The following TTN variants were observed in gnomAD, a reference collection of about 807,000 sequenced individuals.
The protein encoded by TTN is titin.
In TTN, 1,525 loss-of-function variants were observed where a neutral mutation model predicts 3,223.0. That is an observed-to-expected ratio of 0.47 (90% confidence interval 0.45 to 0.49). The LOEUF is 0.49. Ranked by LOEUF, TTN falls within the 20% of genes least tolerant of loss-of-function variation. The pLI is 0.00. For missense variants in TTN, 40,786 were observed against 43,424.0 expected (o/e 0.94, Z 5.40); for synonymous variants, 14,094 against 15,161.0 (o/e 0.93, Z 5.17).
At position 178,727,666 on chromosome 2, in the gene TTN, C is replaced by T. The variant is rs878890344; in HGVS notation, c.19912G>A (p.Ala6638Thr). 3.7e-6 allele frequency: 6 copies of T among 1,612,902 alleles called. No individual in the cohort carries two copies. Among genetic ancestry groups the T allele is most frequent in the Non-Finnish European group, 5.1e-6 (6 of 1,179,284 alleles). ...CAAGTATACTGTCCAGTCTTAGAAGCATCCACTGAGTAGAGATTTAAGAAG... is the reference window on the plus strand; with the variant it reads ...CAAGTATACTGTCCAGTCTTAGAAGTATCCACTGAGTAGAGATTTAAGAAG... ...TSFLNLYSVD[A>T]SKTGQYTCHV... The change falls in exon 68 of 363, where the codon GCT becomes ACT. Residue 6638 changes from alanine (A) to threonine (T), a missense_variant. Coordinates refer to ENST00000589042, the MANE Select transcript of TTN (RefSeq NM_001267550.2).
At position 178,720,428 on chromosome 2, in the gene TTN, A is replaced by G. The variant is rs2078170178; in HGVS notation, c.23334T>C (p.Asn7778=). The G allele has an allele frequency of 6.2e-7, 1 of 1,613,662 alleles. No homozygotes were observed. Among genetic ancestry groups the G allele is most frequent in the Non-Finnish European group, 8.5e-7 (1 of 1,179,652 alleles). The part of the protein sequence containing the change: ...DVGEYHCKAT[N]EVGSDTCSCS... ...AAGAACACGTGTCACTTCCCACCTC[A>G]TTAGTAGCTTTGCAGTGATATTCCC... The change falls in exon 80 of 363, where the codon AAT becomes AAC. Residue 7778 remains asparagine (N), a synonymous_variant. Coordinates refer to ENST00000589042, the MANE Select transcript of TTN (RefSeq NM_001267550.2).
Position 178,741,183 on chromosome 2 carries a change from A to G in TTN, c.12050T>C (p.Leu4017Ser), listed in dbSNP as rs1487515911. Residue 4017 changes from leucine to serine, a missense_variant, in exon 48 of 363, where the codon TTG becomes TCG. Transcript: ENST00000589042. ...CTCTGCTGCACAGGTGGACTCACCC[A>G]ACATATTCTCTGCTTTACAGATATA... ...GLYICKAENM[L>S]GESTCAAELL... The G allele has an allele frequency of 6.2e-7, 1 of 1,613,454 alleles. No individual in the cohort carries two copies. Among genetic ancestry groups the G allele is most frequent in the African/African-American group, 1.3e-5 (1 of 75,064 alleles).
Position 178,720,199 on chromosome 2 carries a change from G to T in TTN, c.23443C>A (p.Arg7815=), listed in dbSNP as rs528264100. 1.2e-5 allele frequency: 19 copies of T among 1,613,702 alleles called. No individual in the cohort carries two copies. The South Asian group carries it at 2.0e-4, about 17-fold the overall frequency. ...STLIGDAVEL[R]AIVEGFQPIS... ...GGCTGGAAGCCCTCCACTATGGCCC[G>T]TAACTCAACAGCATCCCCAATAAGG... The change falls in exon 81 of 363, where the codon CGG becomes AGG. Residue 7815 remains arginine (R), a synonymous_variant. Coordinates refer to ENST00000589042, the MANE Select transcript of TTN (RefSeq NM_001267550.2).
intron 47 of TTN, chr2:178,745,596 T>A: frequency 6.2e-7 from 1 of 1,612,560 alleles, no homozygotes; most frequent in East Asian, 2.2e-5. Flanking sequence ...TAAGTTAAGG[T>A]GAGTGCTGCA....
chr2:178,635,601 T>C lies in TTN; in HGVS notation c.41723A>G (p.Lys13908Arg). 1 of 1,593,256 alleles carries C rather than the reference T, an allele frequency of 6.3e-7. No homozygotes were observed. Among genetic ancestry groups the C allele is most frequent in the Non-Finnish European group, 8.6e-7 (1 of 1,168,562 alleles). ...AKDTPNIKWF[K>R]GYDEIPAEPN... ...TTCCGCAGGGATTTCATCATATCCT[T>C]TGAACCACTTAATGTTTGGAGTATC... Residue 13908 changes from lysine (K) to arginine (R), a missense_variant, in exon 227 of 363, where the codon AAA (lysine) becomes AGA (arginine). Physicochemically the swap from Lys to Arg is conservative, Grantham distance 26. Transcript: ENST00000589042.
At position 178,605,670 on chromosome 2, in the gene TTN, T is replaced by C. The variant is rs373277508; in HGVS notation, c.53625A>G (p.Thr17875=). Residue 17875 remains threonine (T), a synonymous_variant, in exon 279 of 363, where the codon ACA becomes ACG. Transcript: ENST00000589042. ...SPERLTYTER[T]KSTITLDWKE... ...TCCAGTCAAGTGTGATAGTGGACTT[T>C]GTCCTTTCAGTGTATGTGAGCCTCT... 7.5e-6 allele frequency: 12 copies of C among 1,604,748 alleles called. No homozygotes were observed. The highest frequency in any genetic ancestry group is 1.0e-5 in the Non-Finnish European group (12 of 1,174,120).
chr2:178,767,768 C>G lies in TTN; in HGVS notation c.9462G>C (p.Lys3154Asn). 6.2e-7 allele frequency: 1 copy of G among 1,614,060 alleles called. No individual in the cohort carries two copies. The highest frequency in any genetic ancestry group is 8.5e-7 in the Non-Finnish European group (1 of 1,179,984). The stretch of plus-strand genomic sequence containing the variant: ...AGTATGTAGACAATACCTGAACCTC[C>G]TTTTTAATACTTCGGATGCGAACAT... ...GRDVRIRSIK[K>N]EVQVIEKQRA... is the part of the protein sequence containing the mutation. The change falls in exon 40 of 363, where the codon AAG (lysine) becomes AAC (asparagine). Residue 3154 changes from lysine (K) to asparagine (N), a missense_variant. Lys to Asn is a moderately conservative substitution (Grantham distance 94). Coordinates refer to ENST00000589042, the MANE Select transcript of TTN (RefSeq NM_001267550.2).
chr2:178,684,999 G>T lies in TTN; in HGVS notation c.32471-10C>A. The T allele has an allele frequency of 1.9e-6, 3 of 1,586,900 alleles. No individual in the cohort carries two copies. Among genetic ancestry groups the T allele is most frequent in the Non-Finnish European group, 2.6e-6 (3 of 1,162,384 alleles). Reference sequence around the variant, plus strand: ...TTAGGTGCTTCAGGAACTTTAGAAAGATTAGGTTTAAGAATATGAGTTTGC... The same window carrying T: ...TTAGGTGCTTCAGGAACTTTAGAAATATTAGGTTTAAGAATATGAGTTTGC... On this transcript the variant is annotated splice_polypyrimidine_tract_variant and intron_variant, in intron 129 of 362. Coordinates refer to ENST00000589042, the MANE Select transcript of TTN (RefSeq NM_001267550.2).
At chr2:178,787,624 A>G (rs1017321820) in intron 13 of TTN, among the ~76,000 whole-genome samples, 1 of 152,150 alleles carries the variant, frequency 6.6e-6, no homozygotes, top group African/African-American at 2.4e-5. Context: ...TATTTTAACA[A>G]TGATAAAAGA....
chr2:178,675,149 G>A, intron 149 of TTN, 36 bp from the exon 150 acceptor site: 1 of 1,397,282 alleles, frequency 7.2e-7, no homozygotes, highest in African/African-American at 1.5e-5. Context: ...CACTTAAAAT[G>A]CAAGAACCAA....
Position 178,572,589 on chromosome 2 carries a change from T to G in TTN, c.73543A>C (p.Arg24515=). 6.2e-7 allele frequency: 1 copy of G among 1,613,456 alleles called. No individual in the cohort carries two copies. The highest frequency in any genetic ancestry group is 8.5e-7 in the Non-Finnish European group (1 of 1,179,592). Residue 24515 remains arginine, a synonymous_variant, in exon 326 of 363, where the codon AGA becomes CGA. Coordinates refer to ENST00000589042, the MANE Select transcript of TTN (RefSeq NM_001267550.2). ...GGGGGGCCTGGTGTATCGAGAACTC[T>G]AACATTGACAAATGCAGACTTGCTG... The part of the protein sequence containing the change: ...SGSKSAFVNV[R]VLDTPGPPQD...
At chr2:178,695,319 AGTC>A in intron 115 of TTN, 26 bp downstream of exon 115, 1 of 1,574,794 alleles carries the variant, frequency 6.4e-7, no homozygotes, top group Non-Finnish European at 8.7e-7. Flanking sequence ...TTGATGCTCT[AGTC>A]TATTTAAATA....
intron 129 of TTN, 57 bp downstream of exon 129, chr2:178,685,195 AG>A: frequency 7.2e-7 from 1 of 1,391,408 alleles, no homozygotes; most frequent in Non-Finnish European, 9.8e-7. Flanking sequence ...GCAAATGTGA[AG>A]GTATTATTAT....
At chr2:178,798,227 G>T (rs763823047) in intron 6 of TTN, among the ~76,000 whole-genome samples, 23 of 151,910 alleles carry the variant, frequency 1.5e-4, no homozygotes, top group Non-Finnish European at 2.4e-4. Flanking sequence ...AATTTTCTTG[G>T]CAGGGAACAT....
Position 178,675,933 on chromosome 2 carries a change from G to T in TTN, c.34441C>A (p.Pro11481Thr). ...KVVIPKKEEA[P>T]PAKVSVVPKK... is the part of the protein sequence containing the mutation. ...GGAATAGCAATACCTTTGGCAGGGG[G>T]AGCCTCCTCTTTCTTGGGAATGACC... The change falls in exon 148 of 363, where the codon CCC becomes ACC. Residue 11481 changes from proline to threonine, a missense_variant. Physicochemically the swap from Pro to Thr is conservative, Grantham distance 38. Transcript: ENST00000589042. 6.2e-7 allele frequency: 1 copy of T among 1,607,952 alleles called. No homozygotes were observed.
chr2:178,729,972 T>C (rs1319918374), intron 62 of TTN, 27 bp from the exon 63 acceptor site: 1 of 1,601,846 alleles, frequency 6.2e-7, no homozygotes. Flanking sequence ...AATTGTGATG[T>C]TGAATATTTT....
Position 178,554,880 on chromosome 2 carries a change from T to C in TTN, c.88579A>G (p.Arg29527Gly), listed in dbSNP as rs779247881. Reference protein sequence around the residue: ...NAMGSASATIRVQILDKPGPP... With the variant: ...NAMGSASATIGVQILDKPGPP... ...CAGCACCTACCAAGGATCTGTACTC[T>C]GATGGTGGCTGAGGCTGAGCCCATG... The change falls in exon 331 of 363, where the codon AGA becomes GGA. Residue 29527 changes from arginine to glycine, a missense_variant. Transcript: ENST00000589042. The C allele has an allele frequency of 6.2e-6, 10 of 1,613,922 alleles. No homozygotes were observed. In the South Asian group the frequency reaches 6.6e-5, roughly 11 times the overall value.
chr2:178,544,109 G>A lies in TTN; in HGVS notation c.96035C>T (p.Pro32012Leu). 1.2e-6 allele frequency: 2 copies of A among 1,604,948 alleles called. No homozygotes were observed. Among genetic ancestry groups the A allele is most frequent in the African/African-American group, 1.3e-5 (1 of 74,588 alleles). The change falls in exon 346 of 363, where the codon CCA (proline) becomes CTA (leucine). Residue 32012 changes from proline to leucine, a missense_variant. Physicochemically the swap from Pro to Leu is moderately conservative, Grantham distance 98. Transcript: ENST00000589042. ...TAGATCATCTGCAAGCTCAAGATCT[G>A]GTATTTCTGGAAAGTTAATGACAAA... The part of the protein sequence containing the change: ...EIEPVERIEI[P>L]DLELADDLKK...
Position 178,571,299 on chromosome 2 carries a change from G to C in TTN, c.74833C>G (p.Leu24945Val). ...DGGSRVIGYH[L>V]ERKERNSILW... Reference sequence around the variant, plus strand: ...ATGCTATTTCTTTCCTTGCGTTCTAGATGATAGCCAATGACTCTACTTCCT... The same window carrying C: ...ATGCTATTTCTTTCCTTGCGTTCTACATGATAGCCAATGACTCTACTTCCT... Residue 24945 changes from leucine to valine, a missense_variant, in exon 326 of 363, where the codon CTA (leucine) becomes GTA (valine). Physicochemically the swap from Leu to Val is conservative, Grantham distance 32 (BLOSUM62 1). Coordinates refer to ENST00000589042, the MANE Select transcript of TTN (RefSeq NM_001267550.2). 2 of 1,613,434 alleles carry C rather than the reference G, an allele frequency of 1.2e-6. No homozygotes were observed. The highest frequency in any genetic ancestry group is 8.5e-7 in the Non-Finnish European group (1 of 1,179,596).
Sources: allele counts gnomAD v4.1 joint callset (sites outside exome capture counted in the v4.1 genomes callset), GRCh38; gene constraint gnomAD v4.1.1; transcripts MANE v1.5; gene names NCBI Gene and HGNC (gene_info 2026-07-23, HGNC 2026-07-21).